Variants in RNF212B observed in about 807,000 individuals in gnomAD.
The protein encoded by RNF212B is E3 ubiquitin-protein ligase RNF212B.
Under a neutral mutation model 55.5 loss-of-function variants are expected in RNF212B, and 52 were observed. That is an observed-to-expected ratio of 0.94 (90% CI 0.75 to 1.18). RNF212B has a LOEUF of 1.18. Among genes scored for constraint, RNF212B ranks in the 50% most tolerant of loss-of-function variants. The probability of loss-of-function intolerance (pLI) is 0.00; values close to 1 mark genes in which losing one functional copy is unlikely to be tolerated. For missense variants in RNF212B, 289 were observed against 350.4 expected, an observed-to-expected ratio of 0.82 and a Z score of 1.40; for synonymous variants, 99 against 121.4, an observed-to-expected ratio of 0.82 and a Z score of 1.21.
At chr14:23,205,292 C>CT (rs892530774) in intron 2 of RNF212B, among the ~76,000 whole-genome samples, 15 of 140,398 alleles carry the variant, frequency 1.1e-4, no homozygotes, top group Non-Finnish European at 1.2e-4. Context: ...AAATTTTTCT[C>CT]TTTTTTTTAA....
intron 2 of RNF212B, among the ~76,000 whole-genome samples, chr14:23,224,534 A>G (rs1881844070): frequency 6.6e-6 from 1 of 152,086 alleles, no homozygotes; most frequent in Non-Finnish European, 1.5e-5. Context: ...AGTGCTGGGA[A>G]AACTTGATGT....
intron 2 of RNF212B, among the ~76,000 whole-genome samples, chr14:23,219,511 G>A (rs543216911): frequency 1.5e-4 from 23 of 149,188 alleles, no homozygotes; most frequent in Non-Finnish European, 2.4e-4. Context: ...TCACTCTGTC[G>A]CGCAGACTGG....
intron 3 of RNF212B, 31 bp downstream of exon 3, chr14:23,243,339 C>T (rs1481615773): frequency 3.3e-6 from 5 of 1,521,300 alleles, no homozygotes; most frequent in Admixed American, 2.0e-5. Flanking sequence ...CACAAACTGT[C>T]TCATCCCATT....
At chr14:23,205,564 G>A (rs1879756075) in intron 2 of RNF212B, among the ~76,000 whole-genome samples, 1 of 152,120 alleles carries the variant, frequency 6.6e-6, no homozygotes, top group Non-Finnish European at 1.5e-5. Context: ...TGAGACAGTG[G>A]AAAAAGTTTT....
At chr14:23,208,291 T>C (rs939935377) in intron 2 of RNF212B, among the ~76,000 whole-genome samples, 6 of 152,098 alleles carry the variant, frequency 3.9e-5, no homozygotes, top group Admixed American at 1.3e-4. Flanking sequence ...GACGAGAAGA[T>C]CACTGGAGGC....
At chr14:23,259,755 T>C in intron 5 of RNF212B, 129 bp from the exon 6 acceptor site, 1 of 461,218 alleles carries the variant, frequency 2.2e-6, no homozygotes, top group East Asian at 3.6e-5. Context: ...AAATCCCTGA[T>C]AGAAATAGCT....
intron 2 of RNF212B, among the ~76,000 whole-genome samples, chr14:23,213,584 C>T (rs1333978940): frequency 1.3e-5 from 2 of 152,128 alleles, no homozygotes; most frequent in African/African-American, 2.4e-5. Context: ...CACCCCGACT[C>T]GGCAGCAAGA....
intron 13 of RNF212B, 106 bp downstream of exon 13, chr14:23,270,066 G>A (rs1242358662): frequency 1.4e-6 from 1 of 702,066 alleles, no homozygotes; most frequent in Admixed American, 2.4e-5. Context: ...CCCCCAAAGA[G>A]CATTGTCTCT....
At chr14:23,186,241 T>C in intron 1 of RNF212B, among the ~76,000 whole-genome samples, 1 of 152,234 alleles carries the variant, frequency 6.6e-6, no homozygotes, top group East Asian at 1.9e-4. Context: ...GTGTCAAAAT[T>C]CCAGGTGACT....
At position 23,254,897 on chromosome 14, in the gene RNF212B, A is replaced by T. The variant is rs560234879; in HGVS notation, c.229-3652A>T. Reference sequence around the variant, plus strand: ...AACTGAAGTTTTAATATGCTCTCTCAAGCATATAAAATAAAAATTATGTTT... The same window carrying T: ...AACTGAAGTTTTAATATGCTCTCTCTAGCATATAAAATAAAAATTATGTTT... On this transcript the variant is annotated intron_variant, in intron 4 of 14. Transcript: ENST00000430154. Among the ~76,000 whole-genome samples, 58 of 152,290 alleles carry T rather than the reference A, an allele frequency of 3.8e-4. No individual in the cohort carries two copies. The South Asian group carries it at 0.011, about 28-fold the overall frequency.
upstream of RNF212B, among the ~76,000 whole-genome samples, chr14:23,235,735 A>G (rs1883048829): frequency 6.6e-6 from 1 of 152,230 alleles, no homozygotes; most frequent in Non-Finnish European, 1.5e-5. Flanking sequence ...AATATTGTAT[A>G]ACAAAATGCA....
chr14:23,191,000 A>C (rs1878064308), intron 1 of RNF212B, among the ~76,000 whole-genome samples: 1 of 151,994 alleles, frequency 6.6e-6, no homozygotes, highest in Non-Finnish European at 1.5e-5. Flanking sequence ...TTCTCACATC[A>C]TGCACATCCC....
At chr14:23,248,424 G>A (rs985419906) in intron 4 of RNF212B, among the ~76,000 whole-genome samples, 3 of 142,768 alleles carry the variant, frequency 2.1e-5, no homozygotes, top group African/African-American at 5.2e-5. Context: ...GAGCCACCAC[G>A]CCCAACCCCA....
chr14:23,205,731 G>T (rs1879771370), intron 2 of RNF212B, among the ~76,000 whole-genome samples: 1 of 152,208 alleles, frequency 6.6e-6, no homozygotes, highest in Admixed American at 6.5e-5. Flanking sequence ...CTTACTGTCT[G>T]TGGACCAGAC....
chr14:23,263,235 A>G (rs1179579690), intron 9 of RNF212B, among the ~76,000 whole-genome samples: 1 of 152,242 alleles, frequency 6.6e-6, no homozygotes, highest in Non-Finnish European at 1.5e-5. Context: ...TCAGAAAGCC[A>G]CTATAAAACC....
chr14:23,243,370 T>C, intron 3 of RNF212B, 62 bp downstream of exon 3: 1 of 1,329,804 alleles, frequency 7.5e-7, no homozygotes, highest in Non-Finnish European at 1.1e-6. Flanking sequence ...AGGAAGTATA[T>C]ACAAAGTACA....
chr14:23,246,618 C>A (rs143521146), intron 4 of RNF212B, among the ~76,000 whole-genome samples: 2 of 152,142 alleles, frequency 1.3e-5, no homozygotes, highest in Non-Finnish European at 2.9e-5. Context: ...AAAACAGAGA[C>A]AGTCTTGCTA....
chr14:23,203,459 T>C (rs1005260617), intron 2 of RNF212B, among the ~76,000 whole-genome samples: 4 of 112,654 alleles, frequency 3.6e-5, no homozygotes, highest in African/African-American at 1.2e-4. Context: ...CTGGATCGAA[T>C]GGTAGTTCTA....
intron 1 of RNF212B, among the ~76,000 whole-genome samples, chr14:23,191,648 G>A (rs1253892584): frequency 2.0e-5 from 3 of 152,080 alleles, no homozygotes; most frequent in African/African-American, 7.2e-5. Context: ...AAGAATAGAG[G>A]GAAGGATAGG....
Sources: gnomAD v4.1 joint callset for allele counts (sites outside exome capture counted in the v4.1 genomes callset) on GRCh38, gnomAD v4.1.1 for gene constraint, MANE v1.5 for transcripts, NCBI Gene and HGNC (gene_info 2026-07-23, HGNC 2026-07-21) for gene names.